Variants in OTULINL observed in about 807,000 individuals in gnomAD.
OTULINL encodes the protein inactive ubiquitin thioesterase OTULINL.
Under a neutral mutation model 43.9 loss-of-function variants are expected in OTULINL, and 42 were observed. The ratio of observed to expected loss-of-function variants is 0.96; its 90% CI spans 0.75 to 1.24. OTULINL has a LOEUF of 1.24. OTULINL is among the 50% of genes most tolerant of loss of function. The probability of loss-of-function intolerance (pLI) is 0.00; values close to 1 mark genes in which losing one functional copy is unlikely to be tolerated. For synonymous variants in OTULINL, 172 were observed against 153.6 expected, an observed-to-expected ratio of 1.12 and a Z score of -0.88; for missense variants, 411 against 426.4, an observed-to-expected ratio of 0.96 and a Z score of 0.32.
At chr5:14,601,889 T>C (rs1371851960) in intron 4 of OTULINL, among the ~76,000 whole-genome samples, 1 of 152,226 alleles carries the variant, frequency 6.6e-6, no homozygotes, top group East Asian at 1.9e-4. Context: ...AGGGAGTACA[T>C]ATAAAGTACT....
intron 1 of OTULINL, among the ~76,000 whole-genome samples, chr5:14,598,317 A>ACAGC (rs1044342692): frequency 2.6e-5 from 4 of 152,214 alleles, no homozygotes; most frequent in African/African-American, 9.6e-5. Context: ...AGAGATGTGA[A>ACAGC]CAGCCAGTAT....
intron 1 of OTULINL, 69 bp downstream of exon 1, chr5:14,582,027 A>C: frequency 9.1e-7 from 1 of 1,102,836 alleles, no homozygotes; most frequent in Middle Eastern, 3.5e-4. Flanking sequence ...GCGGGGTCGC[A>C]GGCAGCCAGG....
chr5:14,613,509 T>C lies in OTULINL; in HGVS notation c.*3195T>C, dbSNP rs1349269664. ...TAGGAGGGAGTCAGGAGGAGAGAGT[T>C]AGGTTAGTTAGTACAACCTAAGAGG... On this transcript the variant is annotated 3_prime_UTR_variant, in exon 8 of 8. Transcript: ENST00000274217. Among the ~76,000 whole-genome samples, 19 of 152,146 alleles carry C rather than the reference T, an allele frequency of 1.2e-4. No homozygotes were observed. The highest frequency in any genetic ancestry group is 2.6e-4 in the Non-Finnish European group (18 of 68,020).
intron 1 of OTULINL, among the ~76,000 whole-genome samples, chr5:14,584,004 G>A (rs930904753): frequency 1.3e-5 from 2 of 152,216 alleles, no homozygotes; most frequent in Admixed American, 1.3e-4. Context: ...AAGACTGTCT[G>A]AATCAGAATG....
rs1269741095 is a variant in OTULINL, at chr5:14,614,480, G to A, written c.*4166G>A. On this transcript the variant is annotated 3_prime_UTR_variant, in exon 8 of 8. Coordinates refer to ENST00000274217, the MANE Select transcript of OTULINL (RefSeq NM_019018.3). ...ACTTCTATGTTATTTGTTCAGAATA[G>A]TGGATCTTTGCTTAATTCACTTCTG... 2 of 397,420 alleles carry A rather than the reference G, an allele frequency of 5.0e-6. No homozygotes were observed. The highest frequency in any genetic ancestry group is 8.9e-6 in the Non-Finnish European group (2 of 225,848). The allele number at this position is 397,420 out of a possible 1,614,324, so 24.6% of individuals were successfully genotyped here.
At chr5:14,602,460 C>T in intron 5 of OTULINL, 128 bp downstream of exon 5, 4 of 774,860 alleles carry the variant, frequency 5.2e-6, no homozygotes, top group Non-Finnish European at 6.2e-6. Flanking sequence ...TTTTTTGAGA[C>T]AAGATCTCAC....
In OTULINL at chr5:14,613,844, G is replaced by A. The variant is rs760592772; in HGVS notation, c.*3530G>A. On this transcript the variant is annotated 3_prime_UTR_variant, in exon 8 of 8. Transcript: ENST00000274217. ...GCAGCCAGGATCAGGGGGCATTAAC[G>A]TTAATTTTCCCAGGACTTTTCTGCA... Among the ~76,000 whole-genome samples, 1 of 152,142 alleles carries A rather than the reference G, an allele frequency of 6.6e-6. No homozygotes were observed. The highest frequency in any genetic ancestry group is 1.5e-5 in the Non-Finnish European group (1 of 68,022).
chr5:14,582,083 G>A, intron 1 of OTULINL, 125 bp downstream of exon 1: 3 of 682,772 alleles, frequency 4.4e-6, no homozygotes, highest in African/African-American at 3.8e-5. Flanking sequence ...TTGGGGGCTG[G>A]GAATCCTGGA....
Position 14,581,850 on chromosome 5 carries a change from C to G in OTULINL, c.-45C>G. ...GGCCGTCGCGTCTGACAGACCACTG[C>G]AGACCACGGGCCGAGGCCCAGCGCC... On this transcript the variant is annotated 5_prime_UTR_variant, in exon 1 of 8. Transcript: ENST00000274217. 2.2e-6 allele frequency: 3 copies of G among 1,372,552 alleles called. No homozygotes were observed. The highest frequency in any genetic ancestry group is 2.8e-6 in the Non-Finnish European group (3 of 1,062,998). The allele number at this position is 1,372,552 out of a possible 1,614,324, so 85.0% of individuals were successfully genotyped here.
intron 1 of OTULINL, among the ~76,000 whole-genome samples, chr5:14,587,581 A>C (rs1759128063): frequency 6.6e-6 from 1 of 152,272 alleles, no homozygotes; most frequent in Non-Finnish European, 1.5e-5. Flanking sequence ...GTTGGGTCCC[A>C]CAGTTTTGTA....
At chr5:14,603,437 C>T (rs964031581) in intron 5 of OTULINL, among the ~76,000 whole-genome samples, 12 of 152,198 alleles carry the variant, frequency 7.9e-5, no homozygotes, top group Admixed American at 1.3e-4. Flanking sequence ...ATTTTGTATT[C>T]CCACCAACAA....
intron 5 of OTULINL, among the ~76,000 whole-genome samples, chr5:14,605,949 A>C (rs1018158115): frequency 6.6e-6 from 1 of 151,708 alleles, no homozygotes; most frequent in Non-Finnish European, 1.5e-5. Context: ...AATTGTTCCA[A>C]CCTCTGCTTG....
At chr5:14,584,777 A>G (rs1759076561) in intron 1 of OTULINL, among the ~76,000 whole-genome samples, 1 of 152,212 alleles carries the variant, frequency 6.6e-6, no homozygotes, top group Non-Finnish European at 1.5e-5. Context: ...TAAATGAAAG[A>G]TATATTCCTC....
At chr5:14,591,899 G>GA (rs374512865) in intron 1 of OTULINL, among the ~76,000 whole-genome samples, 11 of 152,026 alleles carry the variant, frequency 7.2e-5, no homozygotes, top group Middle Eastern at 3.4e-3. Context: ...AAATGGTTGG[G>GA]AAAAAAATAA....
rs1445562964 is a variant in OTULINL at position 14,604,384 on chromosome 5, G to A, written c.498+2052G>A. Among the ~76,000 whole-genome samples, 5 of 152,068 alleles carry A rather than the reference G, an allele frequency of 3.3e-5. No individual in the cohort carries two copies. In the East Asian group the frequency reaches 9.7e-4, roughly 29 times the overall value. Reference sequence around the variant, plus strand: ...CAAGATGATATTTGGGTGGGGACACGGCCAAACCATATTATTCCACCCCTG... The same window carrying A: ...CAAGATGATATTTGGGTGGGGACACAGCCAAACCATATTATTCCACCCCTG... On this transcript the variant is annotated intron_variant, in intron 5 of 7. Transcript: ENST00000274217.
chr5:14,586,896 A>T (rs1579914398), intron 1 of OTULINL, among the ~76,000 whole-genome samples: 1 of 151,580 alleles, frequency 6.6e-6, no homozygotes, highest in African/African-American at 2.4e-5. Flanking sequence ...AAAGAAGCAT[A>T]CCTCCCTGTC....
At position 14,602,047 on chromosome 5, in the gene OTULINL, G is replaced by A. The variant is rs1047576290; in HGVS notation, c.349-136G>A. 8.1e-6 allele frequency: 5 copies of A among 620,956 alleles called. No individual in the cohort carries two copies. In the Admixed American group the frequency reaches 1.0e-4, roughly 13 times the overall value. The allele number at this position is 620,956 out of a possible 1,614,324, so 38.5% of individuals were successfully genotyped here. A position where few individuals can be genotyped will look rare whatever the true frequency, so the allele number is the denominator to read the frequency against. ...TGAGAGTCACTTTAAAATTACATGC[G>A]GTCATATTCGTAATTTATCATTGTT... On this transcript the variant is annotated intron_variant, in intron 4 of 7. Transcript: ENST00000274217.
rs191730070 is a variant in OTULINL at position 14,614,615 on chromosome 5, G to T, written c.*4301G>T. 7 of 398,546 alleles carry T rather than the reference G, an allele frequency of 1.8e-5. No individual in the cohort carries two copies. Among genetic ancestry groups the T allele is most frequent in the Non-Finnish European group, 3.1e-5 (7 of 226,052 alleles). 24.7% of individuals were successfully genotyped at this position (398,546 alleles called of 1,614,324 possible). ...AGTGGACAGAAAAACACTCACTCAC[G>T]TATTCAGCCACGTATGGTCTGGAGT... On this transcript the variant is annotated 3_prime_UTR_variant, in exon 8 of 8. Coordinates refer to ENST00000274217, the MANE Select transcript of OTULINL (RefSeq NM_019018.3).
At chr5:14,603,018 G>C (rs1254495710) in intron 5 of OTULINL, among the ~76,000 whole-genome samples, 2 of 152,132 alleles carry the variant, frequency 1.3e-5, no homozygotes, top group Non-Finnish European at 2.9e-5. Flanking sequence ...GAAAACCACT[G>C]ATCTATTTTC....
Sources: allele counts gnomAD v4.1 joint callset (sites outside exome capture counted in the v4.1 genomes callset), GRCh38; gene constraint gnomAD v4.1.1; transcripts MANE v1.5; gene names NCBI Gene and HGNC (gene_info 2026-07-23, HGNC 2026-07-21).